Variants in VPS13D observed in about 807,000 individuals in gnomAD.
The protein encoded by VPS13D is intermembrane lipid transfer protein VPS13D.
In VPS13D, 187 loss-of-function variants were observed where a neutral mutation model predicts 461.9. The ratio of observed to expected loss-of-function variants is 0.40; its 90% CI spans 0.36 to 0.46. VPS13D has a LOEUF of 0.46. VPS13D is among the 20% of genes least tolerant of loss of function. The probability of loss-of-function intolerance (pLI) is 0.60; values close to 1 mark genes in which losing one functional copy is unlikely to be tolerated. For synonymous variants in VPS13D, 1,951 were observed against 1,986.3 expected (o/e 0.98, Z 0.47); for missense variants, 4,711 against 5,364.9 (o/e 0.88, Z 3.81).
At chr1:12,358,725 G>T (rs1239384736) in intron 50 of VPS13D, 124 bp downstream of exon 50, 58 of 1,244,896 alleles carry the variant, frequency 4.7e-5, no homozygotes, top group Non-Finnish European at 6.4e-5. Flanking sequence ...TTGGCATTGG[G>T]TCAGGTATCT....
At chr1:12,424,401 G>A (rs1378290238) in intron 65 of VPS13D, among the ~76,000 whole-genome samples, 3 of 152,140 alleles carry the variant, frequency 2.0e-5, no homozygotes, top group Non-Finnish European at 4.4e-5. Context: ...AATTTTAGAT[G>A]CTGAATGACT....
chr1:12,488,886 T>C (rs989562722), intron 67 of VPS13D, among the ~76,000 whole-genome samples: 3 of 152,190 alleles, frequency 2.0e-5, no homozygotes, highest in Non-Finnish European at 4.4e-5. Flanking sequence ...CACTACACTC[T>C]CTGACTCAGA....
chr1:12,251,436 C>T (rs1433031380), intron 6 of VPS13D, among the ~76,000 whole-genome samples: 3 of 152,244 alleles, frequency 2.0e-5, no homozygotes, highest in Non-Finnish European at 2.9e-5. Context: ...ATGAAATTCC[C>T]TGTTCTGTGA....
At chr1:12,389,767 T>C (rs1376468487) in intron 60 of VPS13D, among the ~76,000 whole-genome samples, 1 of 152,114 alleles carries the variant, frequency 6.6e-6, no homozygotes, top group Non-Finnish European at 1.5e-5. Context: ...CCTGGTGGAG[T>C]GACCCAAACC....
At chr1:12,382,342 T>G (rs1488132473) in intron 57 of VPS13D, among the ~76,000 whole-genome samples, 2 of 152,162 alleles carry the variant, frequency 1.3e-5, no homozygotes, top group East Asian at 3.8e-4. Context: ...CCTCAGATGA[T>G]TCGCCCGCCT....
intron 1 of VPS13D, among the ~76,000 whole-genome samples, chr1:12,233,060 C>T (rs1486821676): frequency 6.6e-6 from 1 of 150,732 alleles, no homozygotes; most frequent in African/African-American, 2.4e-5. Context: ...GGCTGGAGTG[C>T]GGTGGTGTGA....
chr1:12,317,949 C>A, intron 30 of VPS13D, 123 bp from the exon 31 acceptor site: 1 of 950,004 alleles, frequency 1.1e-6, no homozygotes, highest in Admixed American at 2.4e-5. Context: ...TACTGATACT[C>A]AAAGCAGGCA....
chr1:12,370,434 T>G (rs1476085513), intron 54 of VPS13D, among the ~76,000 whole-genome samples: 2 of 152,242 alleles, frequency 1.3e-5, no homozygotes, highest in African/African-American at 4.8e-5. Context: ...AATAGGGCGT[T>G]TAAAGTCACA....
At chr1:12,268,484 C>T (rs1200508385) in intron 15 of VPS13D, among the ~76,000 whole-genome samples, 2 of 151,880 alleles carry the variant, frequency 1.3e-5, no homozygotes, top group African/African-American at 4.8e-5. Context: ...TCCTTGGTTT[C>T]CATGATATGG....
In VPS13D at chr1:12,266,862, T is replaced by A. The variant is rs1641286927; in HGVS notation, c.1595-19T>A. ...GCTCTCATAAGCATTGTATCAACTA[T>A]TTTATTTATCTTTTATAGATGTAAA... On this transcript the variant is annotated intron_variant, in intron 13 of 69. Coordinates refer to ENST00000620676, the MANE Select transcript of VPS13D (RefSeq NM_015378.4). 6.5e-7 allele frequency: 1 copy of A among 1,543,200 alleles called. No homozygotes were observed. The highest frequency in any genetic ancestry group is 8.7e-7 in the Non-Finnish European group (1 of 1,145,600).
chr1:12,384,914 C>T (rs546470462), intron 58 of VPS13D, among the ~76,000 whole-genome samples: 35 of 152,202 alleles, frequency 2.3e-4, no homozygotes, highest in South Asian at 1.7e-3. Context: ...TGCCACTGTG[C>T]CGGCTCACAA....
chr1:12,326,773 A>G (rs1442330001), intron 35 of VPS13D, among the ~76,000 whole-genome samples: 1 of 151,776 alleles, frequency 6.6e-6, no homozygotes, highest in Non-Finnish European at 1.5e-5. Context: ...CCTCCCAAGT[A>G]TCTGGGATTA....
At chr1:12,255,899 AAAAAG>A (rs1232962533) in intron 7 of VPS13D, among the ~76,000 whole-genome samples, 3 of 151,046 alleles carry the variant, frequency 2.0e-5, no homozygotes, top group African/African-American at 7.3e-5. Flanking sequence ...AAAAAAAAAA[AAAAAG>A]AAAGAAAAAA....
intron 7 of VPS13D, among the ~76,000 whole-genome samples, chr1:12,254,581 T>G (rs1377012560): frequency 7.2e-6 from 1 of 138,910 alleles, no homozygotes; most frequent in Non-Finnish European, 1.5e-5. Flanking sequence ...TGGAGTGCAG[T>G]GGCGTAATCT....
At chr1:12,432,559 G>A (rs116300036) in intron 65 of VPS13D, among the ~76,000 whole-genome samples, 1,912 of 151,588 alleles carry the variant, frequency 0.013, 34 homozygotes, top group African/African-American at 0.042. Context: ...CTTTGTCTTC[G>A]TTATGAGAAC....
chr1:12,302,618 T>C (rs557448507), intron 25 of VPS13D, among the ~76,000 whole-genome samples: 1 of 152,346 alleles, frequency 6.6e-6, no homozygotes, highest in African/African-American at 2.4e-5. Flanking sequence ...CTTCAAGGTA[T>C]AATGTGCTTT....
chr1:12,346,636 T>A lies in VPS13D; in HGVS notation c.9053T>A (p.Ile3018Lys). 1 of 1,613,500 alleles carries A rather than the reference T, an allele frequency of 6.2e-7. No individual in the cohort carries two copies. The highest frequency in any genetic ancestry group is 8.5e-7 in the Non-Finnish European group (1 of 1,179,804). Residue 3018 changes from isoleucine (I) to lysine (K), a missense_variant, in exon 44 of 70, where the codon ATA becomes AAA. Ile to Lys is a moderately radical substitution (Grantham distance 102). Coordinates refer to ENST00000620676, the MANE Select transcript of VPS13D (RefSeq NM_015378.4). Reference sequence around the variant, plus strand: ...AGCCCAAGCAGCAGAACAAATATTATACATCCCCAGGTTTATGTAAGTATG... The same window carrying A: ...AGCCCAAGCAGCAGAACAAATATTAAACATCCCCAGGTTTATGTAAGTATG... ...IGSPSSRTNI[I>K]HPQVYFSSLP...
In VPS13D at chr1:12,299,414, G is replaced by T; in HGVS notation, c.6216+30G>T. 1.3e-6 allele frequency: 2 copies of T among 1,570,504 alleles called. No homozygotes were observed. Among genetic ancestry groups the T allele is most frequent in the South Asian group, 1.2e-5 (1 of 82,428 alleles). On this transcript the variant is annotated intron_variant, in intron 25 of 69. Coordinates refer to ENST00000620676, the MANE Select transcript of VPS13D (RefSeq NM_015378.4). The surrounding 1 kb of genome is among the most constrained non-coding windows in gnomAD (Gnocchi z 4.2). ...GCAATCAGTATCCATTTCCTTTTCC[G>T]TTCAGCTAGTATTTGATCACTAATT... is the stretch of plus-strand genomic sequence containing the variant.
chr1:12,313,100 G>A (rs191428769), intron 29 of VPS13D, among the ~76,000 whole-genome samples: 26 of 152,234 alleles, frequency 1.7e-4, no homozygotes, highest in African/African-American at 6.0e-4. Context: ...GCTTAAGGTC[G>A]TATGACTGGG....
Sources: allele counts gnomAD v4.1 joint callset (sites outside exome capture counted in the v4.1 genomes callset), GRCh38; gene constraint gnomAD v4.1.1; non-coding constraint Gnocchi (gnomAD v3.1); transcripts MANE v1.5; gene names NCBI Gene and HGNC (gene_info 2026-07-23, HGNC 2026-07-21).